Variants in LPP observed in about 807,000 individuals in gnomAD.
LPP encodes LIM domain containing preferred translocation partner in lipoma, also known as lipoma-preferred partner.
In LPP, 38 loss-of-function variants were observed where a neutral mutation model predicts 60.4. That is an observed-to-expected ratio of 0.63 (90% CI 0.49 to 0.83). The LOEUF is 0.83. Ranked by LOEUF, LPP falls within the 40% of genes least tolerant of loss-of-function variation. LPP has a pLI of 0.00. For synonymous variants in LPP, 328 were observed against 290.8 expected (o/e 1.13, Z -1.30); for missense variants, 902 against 783.6 (o/e 1.15, Z -1.80).
At chr3:188,258,972 T>C (rs564653710) in intron 2 of LPP, among the ~76,000 whole-genome samples, 3 of 152,250 alleles carry the variant, frequency 2.0e-5, no homozygotes, top group South Asian at 2.1e-4. Context: ...CCACTTTGGA[T>C]TGGATTATTG....
At position 188,887,545 on chromosome 3, in the gene LPP, T is replaced by C. The variant is rs565206328; in HGVS notation, c.*13066T>C. 2 of 216,490 alleles carry C rather than the reference T, an allele frequency of 9.2e-6. No individual in the cohort carries two copies. Among genetic ancestry groups the C allele is most frequent in the African/African-American group, 4.5e-5 (2 of 44,568 alleles). 13.4% of individuals were successfully genotyped at this position (216,490 alleles called of 1,614,324 possible). On this transcript the variant is annotated 3_prime_UTR_variant, in exon 12 of 12. Coordinates refer to ENST00000617246, the MANE Select transcript of LPP (RefSeq NM_001375462.1). ...GGGGAGTTGGTATTTGGGCAGAGTT[T>C]GCATTTTACTAATCCTATATACTTT...
At chr3:188,835,346 G>A (rs993601231) in intron 9 of LPP, among the ~76,000 whole-genome samples, 5 of 151,086 alleles carry the variant, frequency 3.3e-5, no homozygotes, top group Non-Finnish European at 2.9e-5. Context: ...GCAGACGCCT[G>A]TAATCCCAGC....
chr3:188,249,290 A>T (rs1236428143), intron 2 of LPP, among the ~76,000 whole-genome samples: 1 of 152,022 alleles, frequency 6.6e-6, no homozygotes, highest in Non-Finnish European at 1.5e-5. Flanking sequence ...TCAGCTACTC[A>T]GGAGGCTGAG....
intron 7 of LPP, among the ~76,000 whole-genome samples, chr3:188,614,011 T>G (rs1844388924): frequency 6.6e-6 from 1 of 151,812 alleles, no homozygotes; most frequent in Non-Finnish European, 1.5e-5. Flanking sequence ...CACTGCAACC[T>G]CCACCTCCCG....
chr3:188,589,042 T>C (rs1047886804), intron 6 of LPP, among the ~76,000 whole-genome samples: 2 of 152,036 alleles, frequency 1.3e-5, no homozygotes, highest in African/African-American at 4.8e-5. Context: ...CTGTGATAAA[T>C]TTCTCCCTAC....
intron 1 of LPP, among the ~76,000 whole-genome samples, chr3:188,178,313 G>A (rs897020021): frequency 5.9e-5 from 9 of 152,208 alleles, no homozygotes; most frequent in African/African-American, 2.2e-4. Flanking sequence ...CTGTCTGGAA[G>A]TCCTAGTTCT....
chr3:188,614,335 T>C (rs1225687596), intron 7 of LPP, among the ~76,000 whole-genome samples: 1 of 152,138 alleles, frequency 6.6e-6, no homozygotes, highest in Non-Finnish European at 1.5e-5. Flanking sequence ...GTTAATTATG[T>C]CTCAATTCTA....
intron 5 of LPP, among the ~76,000 whole-genome samples, chr3:188,491,202 T>A (rs2149750619): frequency 6.6e-6 from 1 of 152,334 alleles, no homozygotes; most frequent in South Asian, 2.1e-4. Context: ...AATAGGCAGC[T>A]GAACTGGCTT....
intron 7 of LPP, among the ~76,000 whole-genome samples, chr3:188,674,013 A>AC (rs1857478686): frequency 6.6e-6 from 1 of 151,358 alleles, no homozygotes; most frequent in Non-Finnish European, 1.5e-5. Context: ...AACATTCCAA[A>AC]CCCATTATAA....
At chr3:188,868,760 G>C (rs1190695167) in intron 10 of LPP, among the ~76,000 whole-genome samples, 1 of 152,200 alleles carries the variant, frequency 6.6e-6, no homozygotes, top group East Asian at 1.9e-4. Context: ...TGGTCCTTTT[G>C]AATGGGTCTC....
chr3:188,491,048 C>A (rs1451233243), intron 5 of LPP, among the ~76,000 whole-genome samples: 4 of 152,036 alleles, frequency 2.6e-5, no homozygotes, highest in Non-Finnish European at 4.4e-5. Flanking sequence ...GCGTGAGCCA[C>A]CGCGCCTGGC....
intron 2 of LPP, among the ~76,000 whole-genome samples, chr3:188,339,546 A>G (rs955616462): frequency 2.0e-5 from 3 of 152,180 alleles, no homozygotes; most frequent in Non-Finnish European, 4.4e-5. Flanking sequence ...AAGGCAAAGG[A>G]GGAACAGGCA....
In LPP at chr3:188,746,609, A is replaced by T. The variant is rs756876830; in HGVS notation, c.1241-13504A>T. On this transcript the variant is annotated intron_variant, in intron 8 of 11. Coordinates refer to ENST00000617246, the MANE Select transcript of LPP (RefSeq NM_001375462.1). ...AACTTCAAATAAAATCACATAGCTGATGCAAGAAACCGTTACTGAGCGTAT... is the reference window on the plus strand; with the variant it reads ...AACTTCAAATAAAATCACATAGCTGTTGCAAGAAACCGTTACTGAGCGTAT... 6 of 471,438 alleles carry T rather than the reference A, an allele frequency of 1.3e-5. No individual in the cohort carries two copies. The East Asian group carries it at 2.5e-4, about 20-fold the overall frequency. The allele number at this position is 471,438 out of a possible 1,614,324, so 29.2% of individuals were successfully genotyped here.
At chr3:188,241,698 A>G (rs866467466) in intron 2 of LPP, among the ~76,000 whole-genome samples, 28 of 152,098 alleles carry the variant, frequency 1.8e-4, no homozygotes, top group Admixed American at 2.0e-4. Context: ...CTACATGGAC[A>G]ACCTATTTTT....
chr3:188,220,897 T>A (rs1422677261), intron 1 of LPP, among the ~76,000 whole-genome samples: 1 of 152,086 alleles, frequency 6.6e-6, no homozygotes, highest in Non-Finnish European at 1.5e-5. Flanking sequence ...AGGGAGAAGA[T>A]CCCTTCATAG....
intron 9 of LPP, among the ~76,000 whole-genome samples, chr3:188,819,698 G>A (rs757618850): frequency 2.0e-5 from 3 of 152,154 alleles, no homozygotes; most frequent in Non-Finnish European, 2.9e-5. Flanking sequence ...TTCAGCCAGG[G>A]ATTGGAGGTG....
chr3:188,574,756 G>C (rs1174743679), intron 6 of LPP, among the ~76,000 whole-genome samples: 1 of 151,782 alleles, frequency 6.6e-6, no homozygotes, highest in African/African-American at 2.4e-5. Flanking sequence ...GTAACATGAT[G>C]GATTTTACAG....
rs537781406 is a variant in LPP, at chr3:188,518,887, G to A, written c.307-5778G>A. ...GTAACAGTTTTTACTTGATGATTAA[G>A]TTTCTGATTTTTTTTTCATAGCACA... On this transcript the variant is annotated intron_variant, in intron 5 of 11. Coordinates refer to ENST00000617246, the MANE Select transcript of LPP (RefSeq NM_001375462.1). Among the ~76,000 whole-genome samples, 4 of 146,008 alleles carry A rather than the reference G, an allele frequency of 2.7e-5. No individual in the cohort carries two copies. The South Asian group carries it at 8.4e-4, about 31-fold the overall frequency.
chr3:188,241,184 G>A, intron 2 of LPP, among the ~76,000 whole-genome samples: 1 of 152,178 alleles, frequency 6.6e-6, no homozygotes, highest in East Asian at 1.9e-4. Flanking sequence ...AAGGTGGTGG[G>A]TATGGATAGA....
Sources: gnomAD v4.1 joint callset for allele counts (sites outside exome capture counted in the v4.1 genomes callset) on GRCh38, gnomAD v4.1.1 for gene constraint, MANE v1.5 for transcripts, NCBI Gene and HGNC (gene_info 2026-07-23, HGNC 2026-07-21) for gene names.